Variants in EPS15L1 observed in about 807,000 individuals in gnomAD.
EPS15L1 encodes the protein epidermal growth factor receptor pathway substrate 15 like 1.
EPS15L1 carries 43 observed loss-of-function variants against 117.1 expected under a neutral mutation model. The ratio of observed to expected loss-of-function variants is 0.37; its 90% CI spans 0.29 to 0.47. The LOEUF (loss-of-function observed/expected upper bound fraction) is 0.47. Among genes scored for constraint, EPS15L1 ranks in the 20% least tolerant of loss-of-function variants. The pLI, the probability that EPS15L1 is intolerant of heterozygous loss-of-function variation, is 0.99. For synonymous variants in EPS15L1, 459 were observed against 470.5 expected (o/e 0.98, Z 0.32); for missense variants, 981 against 1,164.0 (o/e 0.84, Z 2.29).
intron 22 of EPS15L1, among the ~76,000 whole-genome samples, chr19:16,375,533 C>CTGCCTGTATGCATG (rs1372823458): frequency 3.3e-5 from 5 of 152,184 alleles, no homozygotes; most frequent in Admixed American, 6.5e-5. Flanking sequence ...AAGAGGCCCA[C>CTGCCTGTATGCATG]TGCCGTTCCA....
At chr19:16,433,501 T>C (rs535403039) in intron 7 of EPS15L1, among the ~76,000 whole-genome samples, 1 of 152,102 alleles carries the variant, frequency 6.6e-6, no homozygotes, top group Non-Finnish European at 1.5e-5. Context: ...TACTTTTACC[T>C]TGAGCTTTAT....
chr19:16,382,807 G>A (rs898172151), intron 21 of EPS15L1, among the ~76,000 whole-genome samples: 13 of 152,042 alleles, frequency 8.6e-5, no homozygotes, highest in African/African-American at 2.2e-4. Context: ...GTGCAGGCCC[G>A]AAGAGCCTCC....
intron 7 of EPS15L1, among the ~76,000 whole-genome samples, chr19:16,433,422 G>C (rs765027498): frequency 1.4e-4 from 21 of 151,942 alleles, no homozygotes; most frequent in Non-Finnish European, 3.1e-4. Flanking sequence ...GTGAGCCACC[G>C]CACCAGGCTA....
At chr19:16,368,635 G>A (rs1295254996) in intron 22 of EPS15L1, among the ~76,000 whole-genome samples, 2 of 147,822 alleles carry the variant, frequency 1.4e-5, no homozygotes, top group African/African-American at 5.1e-5. Context: ...CACAACACAG[G>A]CACCCACCTG....
chr19:16,398,825 C>A (rs2092567206), intron 16 of EPS15L1, among the ~76,000 whole-genome samples: 1 of 152,088 alleles, frequency 6.6e-6, no homozygotes, highest in Admixed American at 6.5e-5. Flanking sequence ...CCAGAAGGTA[C>A]CATACTGATG....
intron 6 of EPS15L1, among the ~76,000 whole-genome samples, chr19:16,436,007 G>A (rs1032461966): frequency 2.6e-5 from 4 of 152,132 alleles, no homozygotes; most frequent in Non-Finnish European, 4.4e-5. Flanking sequence ...CACACAATGC[G>A]CTGGGTGACA....
intron 22 of EPS15L1, among the ~76,000 whole-genome samples, chr19:16,367,446 G>A (rs2092148751): frequency 7.7e-6 from 1 of 129,990 alleles, no homozygotes; most frequent in Non-Finnish European, 1.5e-5. Context: ...ACACAGGACT[G>A]ACTTTAGCAA....
chr19:16,390,670 CAAT>C (rs997732301), intron 19 of EPS15L1, among the ~76,000 whole-genome samples: 25 of 152,122 alleles, frequency 1.6e-4, no homozygotes, highest in African/African-American at 6.0e-4. Flanking sequence ...AATTAAAAAT[CAAT>C]AATAATAGTA....
intron 1 of EPS15L1, among the ~76,000 whole-genome samples, chr19:16,462,213 C>A (rs2145184229): frequency 6.6e-6 from 1 of 152,342 alleles, no homozygotes; most frequent in Middle Eastern, 3.4e-3. Context: ...GGTCCCACAA[C>A]ATTCCCTCAC....
At chr19:16,425,914 G>A (rs965486151) in intron 8 of EPS15L1, among the ~76,000 whole-genome samples, 3 of 152,340 alleles carry the variant, frequency 2.0e-5, no homozygotes, top group South Asian at 4.1e-4. Context: ...TAATAAAAGT[G>A]CAAGGAATGA....
chr19:16,355,464 G>C lies in EPS15L1; in HGVS notation c.*241C>G, dbSNP rs1182607900. 11 of 484,040 alleles carry C rather than the reference G, an allele frequency of 2.3e-5. No individual in the cohort carries two copies. The highest frequency in any genetic ancestry group is 1.9e-4 in the South Asian group (5 of 25,698). 30.0% of individuals were successfully genotyped at this position (484,040 alleles called of 1,614,324 possible). A position where few individuals can be genotyped will look rare whatever the true frequency, so the allele number is the denominator to read the frequency against. On this transcript the variant is annotated 3_prime_UTR_variant, in exon 24 of 24. Transcript: ENST00000455140. ...GAAGAGCGGGAGGCAGTCAGCCCCG[G>C]GGGGGATGGCACAGTGGAGAGACGG...
intron 21 of EPS15L1, among the ~76,000 whole-genome samples, chr19:16,384,693 C>A (rs2092400354): frequency 6.6e-6 from 1 of 152,166 alleles, no homozygotes; most frequent in Non-Finnish European, 1.5e-5. Context: ...AGGAGGCCGG[C>A]CCTCACTTTT....
intron 22 of EPS15L1, among the ~76,000 whole-genome samples, chr19:16,369,576 G>C (rs544651125): frequency 6.6e-6 from 1 of 152,064 alleles, no homozygotes; most frequent in Non-Finnish European, 1.5e-5. Context: ...ATCATTTGAA[G>C]TGAGAAATAA....
chr19:16,357,224 C>T lies in EPS15L1; in HGVS notation c.2587-1373G>A, dbSNP rs1247787398. ...GCCCGCTGTCATCTCATCCCTCTGACAGCTGGGGACACTGAGGCCAGGGAA... is the reference window on the plus strand; with the variant it reads ...GCCCGCTGTCATCTCATCCCTCTGATAGCTGGGGACACTGAGGCCAGGGAA... On this transcript the variant is annotated intron_variant, in intron 23 of 23. Coordinates refer to ENST00000455140, the MANE Select transcript of EPS15L1 (RefSeq NM_001258374.3). 5.3e-5 allele frequency: 8 copies of T among 152,340 alleles called. 1 individual carries two copies. Among genetic ancestry groups the T allele is most frequent in the Admixed American group, 5.2e-4 (8 of 15,284 alleles). The allele number at this position is 152,340 out of a possible 1,614,324, so 9.4% of individuals were successfully genotyped here.
intron 22 of EPS15L1, among the ~76,000 whole-genome samples, chr19:16,369,051 A>T (rs2092182534): frequency 6.6e-6 from 1 of 152,264 alleles, no homozygotes; most frequent in Non-Finnish European, 1.5e-5. Context: ...AAAATTCATC[A>T]CTGCTCGGGG....
intron 9 of EPS15L1, 41 bp from the exon 10 acceptor site, chr19:16,421,517 T>G (rs770066852): frequency 6.3e-7 from 1 of 1,589,624 alleles, no homozygotes; most frequent in African/African-American, 1.3e-5. Flanking sequence ...TGGAAGCTTT[T>G]TATGACCCCC....
chr19:16,458,724 A>G (rs1450253586), intron 1 of EPS15L1, among the ~76,000 whole-genome samples: 1 of 151,974 alleles, frequency 6.6e-6, no homozygotes, highest in Non-Finnish European at 1.5e-5. Context: ...ACACACAATC[A>G]CACATGTACA....
rs1271508957 is a variant in EPS15L1 at position 16,405,439 on chromosome 19, G to A, written c.1267-690C>T. Among the ~76,000 whole-genome samples the A allele has an allele frequency of 2.6e-5, 4 of 152,322 alleles. No homozygotes were observed. The highest frequency in any genetic ancestry group is 1.9e-4 in the East Asian group (1 of 5,190). The stretch of plus-strand genomic sequence containing the variant: ...TGTTTCTGAAGCTCTCTCTGACCCC[G>A]TGGGATGGATCCAGATGGTCAGCCC... On this transcript the variant is annotated intron_variant, in intron 13 of 23. Transcript: ENST00000455140. This position sits in a 1 kb window ranked among gnomAD's most constrained non-coding sequence, Gnocchi z 4.0.
rs1568411834 is a variant in EPS15L1 at position 16,392,318 on chromosome 19, A to G, written c.2089T>C (p.Ser697Pro). ...ACCCCACTCACCTTCGAAGGTAAGG[A>G]AGGGTTTTTCGTGAATGGATCCGAG... ...FTSDPFTKNPSLPSKLDPFES... is the reference protein window; with the variant it reads ...FTSDPFTKNPPLPSKLDPFES... The change falls in exon 19 of 24, where the codon TCC becomes CCC. Residue 697 changes from serine (S) to proline (P), a missense_variant. Coordinates refer to ENST00000455140, the MANE Select transcript of EPS15L1 (RefSeq NM_001258374.3). 6.2e-7 allele frequency: 1 copy of G among 1,614,102 alleles called. No individual in the cohort carries two copies. Among genetic ancestry groups the G allele is most frequent in the Non-Finnish European group, 8.5e-7 (1 of 1,179,940 alleles).
Sources: gnomAD v4.1 joint callset for allele counts (sites outside exome capture counted in the v4.1 genomes callset) on GRCh38, gnomAD v4.1.1 for gene constraint, Gnocchi (gnomAD v3.1) non-coding constraint, MANE v1.5 for transcripts, NCBI Gene and HGNC (gene_info 2026-07-23, HGNC 2026-07-21) for gene names.